The following ARB2A variants were observed in gnomAD, a reference collection of about 807,000 sequenced individuals.
ARB2A encodes cotranscriptional regulator ARB2A.
At chr5:93,805,299 C>G in the ARB2A span, 2 of 985,096 alleles carry the variant, frequency 2.0e-6, no homozygotes, top group Non-Finnish European at 1.2e-6. Flanking sequence ...TTGGCAATTC[C>G]TTGCTCCTTC....
At chr5:93,975,170 G>T in the ARB2A span, among the ~76,000 whole-genome samples, 2 of 151,796 alleles carry the variant, frequency 1.3e-5, no homozygotes, top group African/African-American at 2.4e-5. Context: ...CAAAAAATTA[G>T]CTGGGCATGG....
the ARB2A span, among the ~76,000 whole-genome samples, chr5:93,996,960 G>A: frequency 1.3e-5 from 2 of 152,024 alleles, no homozygotes; most frequent in Non-Finnish European, 2.9e-5. Flanking sequence ...AAGTACGTAT[G>A]TGCTAGCCAT....
the ARB2A span, among the ~76,000 whole-genome samples, chr5:94,097,043 T>C: frequency 6.6e-6 from 1 of 152,276 alleles, no homozygotes; most frequent in African/African-American, 2.4e-5. Flanking sequence ...GACTCCAGCC[T>C]GTGCAGAGCC....
chr5:93,659,099 C>T, the ARB2A span, among the ~76,000 whole-genome samples: 1 of 151,974 alleles, frequency 6.6e-6, no homozygotes, highest in Non-Finnish European at 1.5e-5. Context: ...CAATTTTTAT[C>T]AAGTTCCAAG....
At chr5:94,079,401 G>A in the ARB2A span, among the ~76,000 whole-genome samples, 1 of 152,118 alleles carries the variant, frequency 6.6e-6, no homozygotes. Context: ...TCAGGGGTAG[G>A]CATTTTATGG....
chr5:93,933,976 A>C, the ARB2A span, among the ~76,000 whole-genome samples: 12 of 152,096 alleles, frequency 7.9e-5, no homozygotes, highest in African/African-American at 2.7e-4. Flanking sequence ...ACTGCATTAC[A>C]GCCTGGGTAC....
At chr5:93,621,859 A>T in the ARB2A span, among the ~76,000 whole-genome samples, 1 of 151,956 alleles carries the variant, frequency 6.6e-6, no homozygotes. Flanking sequence ...TAGAACAGCT[A>T]AAAAAAAGGT....
chr5:94,072,613 A>G, the ARB2A span, among the ~76,000 whole-genome samples: 4 of 152,218 alleles, frequency 2.6e-5, no homozygotes, highest in South Asian at 2.1e-4. Context: ...GGTGGTAAAT[A>G]AAAACTAATA....
chr5:93,627,445 T>TTTTG, the ARB2A span, among the ~76,000 whole-genome samples: 293 of 145,480 alleles, frequency 2.0e-3, 6 homozygotes, highest in African/African-American at 7.2e-3. Flanking sequence ...TGTGTTTTGT[T>TTTTG]TTTTTTTTTT....
the ARB2A span, among the ~76,000 whole-genome samples, chr5:93,982,707 C>T: frequency 6.6e-6 from 1 of 152,116 alleles, no homozygotes; most frequent in Non-Finnish European, 1.5e-5. Context: ...AGTATGATAC[C>T]GTACTAAATA....
chr5:94,067,650 T>C, the ARB2A span, among the ~76,000 whole-genome samples: 3 of 151,988 alleles, frequency 2.0e-5, no homozygotes, highest in Non-Finnish European at 4.4e-5. Context: ...AGGAAAACTA[T>C]AAAACATTAA....
At chr5:93,953,776 T>C in the ARB2A span, among the ~76,000 whole-genome samples, 2 of 152,132 alleles carry the variant, frequency 1.3e-5, no homozygotes, top group African/African-American at 2.4e-5. Flanking sequence ...AGCCAGGGCA[T>C]AGAGTCAGAT....
At chr5:93,696,402 A>G in the ARB2A span, among the ~76,000 whole-genome samples, 7 of 152,270 alleles carry the variant, frequency 4.6e-5, no homozygotes, top group Admixed American at 4.6e-4. Context: ...TGAATCTTCA[A>G]ATCCTACCCA....
At chr5:93,663,372 T>C in the ARB2A span, among the ~76,000 whole-genome samples, 1 of 152,216 alleles carries the variant, frequency 6.6e-6, no homozygotes, top group African/African-American at 2.4e-5. Context: ...CCCCTTCCCC[T>C]GAAGGAAAGC....
the ARB2A span, among the ~76,000 whole-genome samples, chr5:93,900,863 T>C: frequency 2.0e-5 from 3 of 152,326 alleles, no homozygotes; most frequent in African/African-American, 7.2e-5. Context: ...TGTGAAATTC[T>C]AGGATTAGTT....
At chr5:94,019,459 C>T in the ARB2A span, among the ~76,000 whole-genome samples, 2 of 152,108 alleles carry the variant, frequency 1.3e-5, no homozygotes, top group South Asian at 2.1e-4. Flanking sequence ...AAAACAACCC[C>T]ATCAAAAAGT....
chr5:94,101,255 C>T, the ARB2A span, among the ~76,000 whole-genome samples: 58 of 152,062 alleles, frequency 3.8e-4, 1 homozygote, highest in Admixed American at 2.8e-3. Context: ...CAATGAGATA[C>T]CATCTCACAC....
At chr5:93,721,331 A>T in the ARB2A span, among the ~76,000 whole-genome samples, 1 of 152,180 alleles carries the variant, frequency 6.6e-6, no homozygotes, top group African/African-American at 2.4e-5. Flanking sequence ...GATAGTATGG[A>T]AGGGGCAAAA....
the ARB2A span, among the ~76,000 whole-genome samples, chr5:93,657,695 G>T: frequency 9.2e-5 from 14 of 152,188 alleles, no homozygotes; most frequent in Admixed American, 8.5e-4. Context: ...ATTTCCCTTG[G>T]AAGAATCCAA....
Sources: gnomAD v4.1 joint callset for allele counts (sites outside exome capture counted in the v4.1 genomes callset) on GRCh38, gnomAD v4.1.1 for gene constraint, MANE v1.5 for transcripts, NCBI Gene and HGNC (gene_info 2026-07-23, HGNC 2026-07-21) for gene names.